Variants in AKAP13 observed in about 807,000 individuals in gnomAD.
AKAP13 encodes the protein A-kinase anchor protein 13.
In AKAP13, 80 loss-of-function variants were observed where a neutral mutation model predicts 264.5. The observed-to-expected ratio is 0.30, with a 90% CI of 0.25 to 0.36. The LOEUF (loss-of-function observed/expected upper bound fraction) is 0.36. AKAP13 is among the 10% of genes least tolerant of loss of function. The pLI is 1.00. For missense variants in AKAP13, 3,712 were observed against 3,435.2 expected (o/e 1.08, Z -2.01); for synonymous variants, 1,380 against 1,250.2 (o/e 1.10, Z -2.19).
chr15:85,734,608 A>G (rs941474435), intron 30 of AKAP13, among the ~76,000 whole-genome samples: 1 of 152,244 alleles, frequency 6.6e-6, no homozygotes, highest in African/African-American at 2.4e-5. Context: ...AACTCACTCC[A>G]TATTGGCAAA....
At chr15:85,493,902 A>G (rs953373526) in intron 2 of AKAP13, among the ~76,000 whole-genome samples, 10 of 152,248 alleles carry the variant, frequency 6.6e-5, no homozygotes, top group Non-Finnish European at 1.3e-4. Context: ...ATGTGTATCC[A>G]CAAAGGCAGA....
Position 85,512,468 on chromosome 15 carries a change from T to C in AKAP13, c.34-8960T>C, listed in dbSNP as rs1472793811. Among the ~76,000 whole-genome samples the C allele has an allele frequency of 3.9e-5, 6 of 152,268 alleles. No homozygotes were observed. In the South Asian group the frequency reaches 1.2e-3, roughly 32 times the overall value. On this transcript the variant is annotated intron_variant, in intron 2 of 36. Coordinates refer to ENST00000394518, the MANE Select transcript of AKAP13 (RefSeq NM_007200.5). The stretch of plus-strand genomic sequence containing the variant: ...ACTTGCTTGCTATGTAACATGTTCC[T>C]TCTATCAACAATGATCTCTTTACAC...
chr15:85,633,843 CT>C (rs35668230), intron 8 of AKAP13, among the ~76,000 whole-genome samples: 134 of 149,004 alleles, frequency 9.0e-4, no homozygotes, highest in African/African-American at 3.1e-3. Flanking sequence ...TGCACCCGGC[CT>C]TTTTTTTTTA....
intron 1 of AKAP13, among the ~76,000 whole-genome samples, chr15:85,394,404 G>A (rs191396630): frequency 6.6e-6 from 1 of 152,324 alleles, no homozygotes; most frequent in Admixed American, 6.5e-5. Flanking sequence ...TTTCTCTTCC[G>A]TAGTCCCTTA....
intron 8 of AKAP13, among the ~76,000 whole-genome samples, chr15:85,587,067 ATT>A (rs2079390987): frequency 2.0e-5 from 3 of 152,144 alleles, no homozygotes; most frequent in Admixed American, 2.0e-4. Context: ...TTTTAAATAG[ATT>A]TACAGAGTTC....
At chr15:85,506,016 G>A (rs1410420171) in intron 2 of AKAP13, among the ~76,000 whole-genome samples, 6 of 152,130 alleles carry the variant, frequency 3.9e-5, no homozygotes, top group African/African-American at 1.2e-4. Flanking sequence ...TTGTCAGGCC[G>A]GGCGTGGTGG....
At chr15:85,387,075 C>T (rs776561996) in intron 1 of AKAP13, among the ~76,000 whole-genome samples, 1 of 151,926 alleles carries the variant, frequency 6.6e-6, no homozygotes, top group Non-Finnish European at 1.5e-5. Context: ...GTGGCTCACG[C>T]CTGTAATCCT....
chr15:85,718,254 G>A lies in AKAP13; in HGVS notation c.6001+95G>A. ...TGGACTATGAAAAATCAGTTTTTTA[G>A]TATGTGGCTTCTTGAAAAGATTTCC... is the stretch of plus-strand genomic sequence containing the variant. On this transcript the variant is annotated intron_variant, in intron 22 of 36. Transcript: ENST00000394518. This position sits in a 1 kb window ranked among gnomAD's most constrained non-coding sequence, Gnocchi z 4.9. 7.0e-7 allele frequency: 1 copy of A among 1,429,418 alleles called. No individual in the cohort carries two copies. Among genetic ancestry groups the A allele is most frequent in the Non-Finnish European group, 9.6e-7 (1 of 1,044,942 alleles). 88.5% of individuals were successfully genotyped at this position (1,429,418 alleles called of 1,614,324 possible). A position where few individuals can be genotyped will look rare whatever the true frequency, so the allele number is the denominator to read the frequency against.
At chr15:85,558,516 T>TG (rs1333326437) in intron 5 of AKAP13, among the ~76,000 whole-genome samples, 2 of 152,152 alleles carry the variant, frequency 1.3e-5, no homozygotes, top group Non-Finnish European at 2.9e-5. Flanking sequence ...TGCCTGAAGA[T>TG]GGGGGTCCTG....
intron 14 of AKAP13, chr15:85,676,859 C>G (rs1455758474): frequency 6.2e-6 from 5 of 802,594 alleles, no homozygotes; most frequent in Non-Finnish European, 7.5e-6. Flanking sequence ...CATCATTCAC[C>G]TAGACAGCAT....
chr15:85,664,670 G>C lies in AKAP13; in HGVS notation c.4907G>C (p.Gly1636Ala). 1 of 1,614,148 alleles carries C rather than the reference G, an allele frequency of 6.2e-7. No homozygotes were observed. The highest frequency in any genetic ancestry group is 8.5e-7 in the Non-Finnish European group (1 of 1,179,990). The change falls in exon 13 of 37, where the codon GGT (glycine) becomes GCT (alanine). Residue 1636 changes from glycine (G) to alanine (A), a missense_variant. This residue lies in a region of AKAP13 where 2,759 missense variants were observed against 2,411.7 expected (regional missense o/e 1.14). Transcript: ENST00000394518. ...NAEELRHPFS[G>A]EERVDSLVSL... The stretch of plus-strand genomic sequence containing the variant: ...GAAGAGCTCAGACACCCATTCAGTG[G>C]TGAGGAACGGGTTGACTCTTTGGTG...
At chr15:85,653,549 A>G (rs1373820928) in intron 10 of AKAP13, among the ~76,000 whole-genome samples, 1 of 152,244 alleles carries the variant, frequency 6.6e-6, no homozygotes, top group Non-Finnish European at 1.5e-5. Context: ...TTTAGAAGGT[A>G]GTGTGCTTTT....
chr15:85,581,302 T>G lies in AKAP13; in HGVS notation c.3234T>G (p.Thr1078=), dbSNP rs2079139004. The G allele has an allele frequency of 1.2e-6, 2 of 1,614,172 alleles. No homozygotes were observed. The highest frequency in any genetic ancestry group is 3.3e-5 in the Admixed American group (2 of 60,022). The change falls in exon 7 of 37, where the codon ACT becomes ACG. Residue 1078 remains threonine (T), a synonymous_variant. Coordinates refer to ENST00000394518, the MANE Select transcript of AKAP13 (RefSeq NM_007200.5). ...GVKNTQSQGK[T]SACEVSGDVT... ...AGAACACTCAATCCCAGGGAAAAAC[T>G]AGTGCCTGTGAGGTGAGTGGAGATG...
chr15:85,428,433 A>C (rs1179892424), intron 1 of AKAP13, among the ~76,000 whole-genome samples: 1 of 152,178 alleles, frequency 6.6e-6, no homozygotes, highest in Non-Finnish European at 1.5e-5. Context: ...CCTCCACCTT[A>C]GGTGATCTGC....
chr15:85,629,846 C>T (rs2081620024), intron 8 of AKAP13, among the ~76,000 whole-genome samples: 1 of 117,986 alleles, frequency 8.5e-6, no homozygotes, highest in Non-Finnish European at 1.6e-5. Flanking sequence ...GCAGTGCTGT[C>T]TTGGCTCACT....
chr15:85,643,033 C>A (rs67802907), intron 9 of AKAP13, among the ~76,000 whole-genome samples: 34,062 of 80,434 alleles, frequency 0.42, 4,530 homozygotes, highest in Middle Eastern at 0.54. Context: ...AAAAAAAAAA[C>A]CTCCAGAATA....
chr15:85,602,178 G>A (rs117445493), intron 8 of AKAP13, among the ~76,000 whole-genome samples: 1,859 of 151,838 alleles, frequency 0.012, 15 homozygotes, highest in Non-Finnish European at 0.019. Flanking sequence ...ATCTGAAATC[G>A]TATCATTGAA....
chr15:85,466,292 A>G (rs962988262), intron 1 of AKAP13, among the ~76,000 whole-genome samples: 4 of 151,898 alleles, frequency 2.6e-5, no homozygotes, highest in African/African-American at 4.8e-5. Flanking sequence ...ATTTTCTCCC[A>G]TTTTGTAGGT....
chr15:85,718,060 T>A lies in AKAP13; in HGVS notation c.5902T>A (p.Ser1968Thr). The A allele has an allele frequency of 6.2e-7, 1 of 1,614,042 alleles. No homozygotes were observed. The highest frequency in any genetic ancestry group is 8.5e-7 in the Non-Finnish European group (1 of 1,179,986). Residue 1968 changes from serine (S) to threonine (T), a missense_variant, in exon 22 of 37, where the codon TCC (serine) becomes ACC (threonine). Around this residue, in one of 3 missense-constraint regions of AKAP13, gnomAD observed 2,759 missense variants for 2,411.7 expected, o/e 1.14. Coordinates refer to ENST00000394518, the MANE Select transcript of AKAP13 (RefSeq NM_007200.5). The surrounding 1 kb of genome is among the most constrained non-coding windows in gnomAD (Gnocchi z 4.9). The stretch of plus-strand genomic sequence containing the variant: ...ACTACTGGGAGACTTTGAGATTGAG[T>A]CCAAACAGCTGGAAGCAGAGTCTTG... ...GQLLGDFEIE[S>T]KQLEAESWSR... is the part of the protein sequence containing the mutation.
Sources: gnomAD v4.1 joint callset for allele counts (sites outside exome capture counted in the v4.1 genomes callset) on GRCh38, gnomAD v4.1.1 for gene constraint, gnomAD v4.1.1 regional missense constraint, Gnocchi (gnomAD v3.1) non-coding constraint, MANE v1.5 for transcripts, NCBI Gene and HGNC (gene_info 2026-07-23, HGNC 2026-07-21) for gene names.